GRM7: variants seen among roughly 807,000 people sequenced by gnomAD.
GRM7 encodes metabotropic glutamate receptor 7.
In GRM7, 35 loss-of-function variants were observed where a neutral mutation model predicts 84.5. The ratio of observed to expected loss-of-function variants is 0.41; its 90% CI spans 0.32 to 0.55. GRM7 has a LOEUF of 0.55. Among genes scored for constraint, GRM7 ranks in the 20% least tolerant of loss-of-function variants. The pLI is 0.19. For synonymous variants in GRM7, 487 were observed against 455.1 expected (o/e 1.07, Z -0.89); for missense variants, 1,003 against 1,194.6 (o/e 0.84, Z 2.36).
At chr3:7,122,461 G>T (rs1693258459) in intron 1 of GRM7, among the ~76,000 whole-genome samples, 1 of 152,058 alleles carries the variant, frequency 6.6e-6, no homozygotes, top group Admixed American at 6.5e-5. Context: ...AAGATAAAAT[G>T]ACTACTAAAA....
intron 4 of GRM7, among the ~76,000 whole-genome samples, chr3:7,307,578 G>T (rs1700238475): frequency 6.6e-6 from 1 of 152,150 alleles, no homozygotes; most frequent in Non-Finnish European, 1.5e-5. Context: ...GACAAATCAG[G>T]TTGTGGTTCT....
intron 1 of GRM7, among the ~76,000 whole-genome samples, chr3:6,916,806 T>G (rs914623714): frequency 6.6e-6 from 1 of 152,198 alleles, no homozygotes; most frequent in Non-Finnish European, 1.5e-5. Flanking sequence ...ATTCATTTTT[T>G]TTTCATTCAG....
rs1559459689 is a variant in GRM7 at position 7,644,159 on chromosome 3, T to TATATATATATGTCTGTAC, written c.2452-35882_2452-35881insATGTCTGTACATATATAT. 2.2e-3 allele frequency among the ~76,000 whole-genome samples: 162 copies of TATATATATATGTCTGTAC among 73,912 alleles called. 1 individual carries two copies. Among genetic ancestry groups the TATATATATATGTCTGTAC allele is most frequent in the African/African-American group, 7.5e-3 (158 of 21,122 alleles). The allele number at this position is 73,912 out of a possible 152,430, so 48.5% of individuals were successfully genotyped here. On this transcript the variant is annotated intron_variant, in intron 8 of 9. Transcript: ENST00000357716. ...GTGTATATATATGTCTGTACGTATA[T>TATATATATATGTCTGTAC]ATATATATGTCTGTACATATATATA...
At chr3:7,666,601 A>G in intron 8 of GRM7, among the ~76,000 whole-genome samples, 1 of 152,182 alleles carries the variant, frequency 6.6e-6, no homozygotes, top group African/African-American at 2.4e-5. Context: ...TAACAATGAT[A>G]ACGGCCAAAA....
At chr3:6,978,486 C>T (rs1344734531) in intron 1 of GRM7, among the ~76,000 whole-genome samples, 2 of 152,092 alleles carry the variant, frequency 1.3e-5, no homozygotes, top group Non-Finnish European at 2.9e-5. Flanking sequence ...TTTAGTACTT[C>T]CCCCCCATTT....
At chr3:7,563,214 C>A (rs1161300712) in intron 7 of GRM7, among the ~76,000 whole-genome samples, 1 of 152,042 alleles carries the variant, frequency 6.6e-6, no homozygotes, top group African/African-American at 2.4e-5. Flanking sequence ...TTCTATTGTT[C>A]TTTTTTGTAC....
intron 1 of GRM7, among the ~76,000 whole-genome samples, chr3:7,113,706 A>C (rs939612467): frequency 1.3e-5 from 2 of 152,172 alleles, no homozygotes; most frequent in African/African-American, 4.8e-5. Flanking sequence ...ATAATGGTGC[A>C]TCTTATTAGT....
At position 7,593,719 on chromosome 3, in the gene GRM7, G is replaced by T. The variant is rs937348234; in HGVS notation, c.2451+14362G>T. On this transcript the variant is annotated intron_variant, in intron 8 of 9. Coordinates refer to ENST00000357716, the MANE Select transcript of GRM7 (RefSeq NM_000844.4). ...AGGTAGAAAATGGAATGGGGTGGGG[G>T]TAGCCAGTGGCTATTTATGTAGGGC... Among the ~76,000 whole-genome samples, 6 of 152,234 alleles carry T rather than the reference G, an allele frequency of 3.9e-5. No homozygotes were observed. The South Asian group carries it at 1.0e-3, about 26-fold the overall frequency.
chr3:7,569,965 C>T lies in GRM7; in HGVS notation c.1516-8457C>T, dbSNP rs556612009. Among the ~76,000 whole-genome samples, 234 of 152,288 alleles carry T rather than the reference C, an allele frequency of 1.5e-3. 1 individual carries two copies. Among genetic ancestry groups the T allele is most frequent in the South Asian group, 2.3e-3 (11 of 4,822 alleles). Reference sequence around the variant, plus strand: ...AGTGAGACCAAGAACCCACCAATTCCGGCCACAGTGGTGGCAGGCAAAGAG... The same window carrying T: ...AGTGAGACCAAGAACCCACCAATTCTGGCCACAGTGGTGGCAGGCAAAGAG... On this transcript the variant is annotated intron_variant, in intron 7 of 9. Coordinates refer to ENST00000357716, the MANE Select transcript of GRM7 (RefSeq NM_000844.4).
chr3:7,556,063 C>T (rs188864378), intron 7 of GRM7, among the ~76,000 whole-genome samples: 3 of 152,228 alleles, frequency 2.0e-5, no homozygotes, highest in Non-Finnish European at 2.9e-5. Context: ...AAACAACAGG[C>T]ATTTATTTCT....
intron 7 of GRM7, among the ~76,000 whole-genome samples, chr3:7,558,119 A>G (rs745348535): frequency 2.6e-5 from 4 of 151,874 alleles, no homozygotes; most frequent in Admixed American, 1.3e-4. Context: ...CTAATTTTCC[A>G]TGATATATGA....
At chr3:7,338,286 G>A (rs1020768431) in intron 4 of GRM7, among the ~76,000 whole-genome samples, 12 of 151,866 alleles carry the variant, frequency 7.9e-5, no homozygotes, top group Non-Finnish European at 1.6e-4. Flanking sequence ...ATAAGAGGGA[G>A]CTAAGTTATG....
At chr3:6,891,695 C>G (rs567872664) in intron 1 of GRM7, among the ~76,000 whole-genome samples, 1 of 152,160 alleles carries the variant, frequency 6.6e-6, no homozygotes, top group African/African-American at 2.4e-5. Context: ...TTTGGCAAAT[C>G]TGACAATTAT....
intron 8 of GRM7, among the ~76,000 whole-genome samples, chr3:7,643,909 G>A (rs1365564015): frequency 6.6e-6 from 1 of 151,826 alleles, no homozygotes; most frequent in Non-Finnish European, 1.5e-5. Flanking sequence ...TATGAATAAT[G>A]GTTATCTAAG....
chr3:7,144,960 CGT>C (rs1694062620), intron 1 of GRM7, among the ~76,000 whole-genome samples: 3 of 152,106 alleles, frequency 2.0e-5, no homozygotes, highest in Admixed American at 2.0e-4. Flanking sequence ...AATGGTGGGT[CGT>C]CTGATTTCAG....
chr3:7,644,207 T>TA, intron 8 of GRM7, among the ~76,000 whole-genome samples: 1 of 145,366 alleles, frequency 6.9e-6, no homozygotes, highest in East Asian at 2.0e-4. Context: ...TATATATATG[T>TA]CTGTACATAT....
chr3:7,634,232 C>T (rs1475247309), intron 8 of GRM7, among the ~76,000 whole-genome samples: 1 of 152,032 alleles, frequency 6.6e-6, no homozygotes, highest in Non-Finnish European at 1.5e-5. Context: ...GTAAAGTTAG[C>T]TAAAGCAAGT....
intron 9 of GRM7, among the ~76,000 whole-genome samples, chr3:7,712,048 T>C (rs1701597027): frequency 6.6e-6 from 1 of 152,186 alleles, no homozygotes; most frequent in South Asian, 2.1e-4. Flanking sequence ...TCTTTTGTCT[T>C]TGACTTATGA....
At chr3:7,238,998 TTTTTC>T (rs1293900467) in intron 2 of GRM7, among the ~76,000 whole-genome samples, 10 of 142,850 alleles carry the variant, frequency 7.0e-5, no homozygotes, top group Non-Finnish European at 1.2e-4. Flanking sequence ...TCTTTTTTCC[TTTTTC>T]TTTTTTTTGA....
Sources: allele counts gnomAD v4.1 joint callset (sites outside exome capture counted in the v4.1 genomes callset), GRCh38; gene constraint gnomAD v4.1.1; transcripts MANE v1.5; gene names NCBI Gene and HGNC (gene_info 2026-07-23, HGNC 2026-07-21).